FOXP2: variants seen among roughly 807,000 people sequenced by gnomAD.
The protein encoded by FOXP2 is forkhead box P2, also known as forkhead box protein P2.
A neutral mutation model predicts 115.8 loss-of-function variants in FOXP2; 12 were observed. The observed-to-expected ratio is 0.10, with a 90% CI of 0.07 to 0.17. FOXP2 has a LOEUF of 0.17. FOXP2 is among the 10% of genes least tolerant of loss of function. The pLI, the probability that FOXP2 is intolerant of heterozygous loss-of-function variation, is 1.00. For missense variants in FOXP2, 629 were observed against 843.5 expected (o/e 0.75, Z 3.15); for synonymous variants, 328 against 297.7 (o/e 1.10, Z -1.05).
At chr7:114,205,489 T>C (rs1233286285) in intron 1 of FOXP2, among the ~76,000 whole-genome samples, 1 of 152,206 alleles carries the variant, frequency 6.6e-6, no homozygotes, top group Non-Finnish European at 1.5e-5. Context: ...GAAATAGGCA[T>C]ATTATTATTT....
intron 1 of FOXP2, among the ~76,000 whole-genome samples, chr7:114,120,657 A>T (rs928403940): frequency 1.5e-4 from 22 of 150,760 alleles, no homozygotes; most frequent in African/African-American, 5.4e-4. Flanking sequence ...TCTTCTAAGC[A>T]CTTCATATAT....
intron 16 of FOXP2, among the ~76,000 whole-genome samples, chr7:114,687,508 C>T (rs543897617): frequency 3.9e-4 from 60 of 152,228 alleles, no homozygotes; most frequent in South Asian, 8.3e-4. Context: ...ACTGAGAGAA[C>T]TAATAATTTT....
chr7:114,437,513 C>G (rs577790267), intron 2 of FOXP2, among the ~76,000 whole-genome samples: 1 of 152,212 alleles, frequency 6.6e-6, no homozygotes, highest in South Asian at 2.1e-4. Flanking sequence ...TACCAGGCAT[C>G]TTATGTAATA....
At chr7:114,462,364 A>ATTTTTT in intron 2 of FOXP2, among the ~76,000 whole-genome samples, 1 of 123,658 alleles carries the variant, frequency 8.1e-6, no homozygotes, top group Non-Finnish European at 1.7e-5. Flanking sequence ...TCAGCATAAT[A>ATTTTTT]TCTTTTTTTT....
rs181796611 is a variant in FOXP2 at position 114,170,203 on chromosome 7, A to G, written c.-102+7115A>G. Among the ~76,000 whole-genome samples the G allele has an allele frequency of 2.0e-5, 3 of 152,254 alleles. No homozygotes were observed. The East Asian group carries it at 5.8e-4, about 29-fold the overall frequency. On this transcript the variant is annotated intron_variant, in intron 1 of 17. Transcript: ENST00000634411. ...ATCGGTAATCATTGATGTTACTATT[A>G]TAATTGTTTGGGGCCCAGAAACTGG...
intron 7 of FOXP2, among the ~76,000 whole-genome samples, 189 bp downstream of exon 7, chr7:114,642,812 A>ATTTTTTTTT (rs869136743): frequency 1.5e-4 from 11 of 72,418 alleles, no homozygotes; most frequent in African/African-American, 6.4e-4. Context: ...ATATATATAT[A>ATTTTTTTTT]TTTTTTTTTT....
At chr7:114,309,297 A>T (rs758841014) in intron 2 of FOXP2, among the ~76,000 whole-genome samples, 1 of 152,140 alleles carries the variant, frequency 6.6e-6, no homozygotes, top group Non-Finnish European at 1.5e-5. Context: ...GTTTCTTGTT[A>T]TCTATAATGT....
chr7:114,219,129 T>C (rs780241606), intron 1 of FOXP2, among the ~76,000 whole-genome samples: 1 of 152,170 alleles, frequency 6.6e-6, no homozygotes, highest in Non-Finnish European at 1.5e-5. Flanking sequence ...CGAAAAAGAT[T>C]AATTATACTA....
chr7:114,148,370 T>G (rs1020372253), intron 1 of FOXP2, among the ~76,000 whole-genome samples: 2 of 152,200 alleles, frequency 1.3e-5, no homozygotes, highest in African/African-American at 2.4e-5. Context: ...TTCCTTAATT[T>G]CTGTAATACT....
intron 1 of FOXP2, among the ~76,000 whole-genome samples, chr7:114,167,935 CAAAAA>C (rs34195375): frequency 1.2e-5 from 1 of 83,598 alleles, no homozygotes; most frequent in Non-Finnish European, 2.3e-5. Flanking sequence ...GACTCCATCT[CAAAAA>C]AAAAAAAAAA....
rs147419357 is a variant in FOXP2 at position 114,566,461 on chromosome 7, G to A, written c.258+31755G>A. ...CTCTCACTCTACTAGTTCCCACAGA[G>A]CTGGTTGTAAAAAAGAGTCTGGCAC... On this transcript the variant is annotated intron_variant, in intron 3 of 16. Coordinates refer to ENST00000350908, the MANE Select transcript of FOXP2 (RefSeq NM_014491.4). 4.6e-4 allele frequency among the ~76,000 whole-genome samples: 70 copies of A among 152,038 alleles called. 1 individual carries two copies. The East Asian group carries it at 0.013, about 28-fold the overall frequency.
chr7:114,230,624 A>G (rs1455592830), intron 1 of FOXP2, among the ~76,000 whole-genome samples: 2 of 152,114 alleles, frequency 1.3e-5, no homozygotes, highest in African/African-American at 4.8e-5. Flanking sequence ...TAAAAATCAC[A>G]TGATCATTAG....
Position 114,652,285 on chromosome 7 carries a change from A to G in FOXP2, c.1177A>G (p.Ile393Val). Residue 393 changes from isoleucine (I) to valine (V), a missense_variant, in exon 9 of 17, where the codon ATA (isoleucine) becomes GTA (valine). Physicochemically the swap from Ile to Val is conservative, Grantham distance 29. Coordinates refer to ENST00000350908, the MANE Select transcript of FOXP2 (RefSeq NM_014491.4). ...AATGCAGGTGGTGCAACAGTTAGAA[A>G]TACAGGTTTGTTAAATGCTCACTTA... ...VQMQVVQQLE[I>V]QLSKERERLQ... 1 of 1,612,714 alleles carries G rather than the reference A, an allele frequency of 6.2e-7. No individual in the cohort carries two copies.
intron 1 of FOXP2, among the ~76,000 whole-genome samples, chr7:114,266,305 C>T (rs1795892539): frequency 6.6e-6 from 1 of 152,132 alleles, no homozygotes; most frequent in Non-Finnish European, 1.5e-5. Context: ...CCAATGTTCT[C>T]TGTTAGGGCA....
At chr7:114,258,791 G>T (rs536778451) in intron 1 of FOXP2, among the ~76,000 whole-genome samples, 9 of 152,292 alleles carry the variant, frequency 5.9e-5, no homozygotes, top group Non-Finnish European at 1.2e-4. Context: ...TAGACAAGAT[G>T]AAGAATGTCT....
chr7:114,546,880 A>G (rs143704945), intron 3 of FOXP2, among the ~76,000 whole-genome samples: 1 of 152,304 alleles, frequency 6.6e-6, no homozygotes, highest in African/African-American at 2.4e-5. Context: ...TCTTACCACA[A>G]TGCTTGACAC....
chr7:114,437,803 G>T (rs1267382930), intron 2 of FOXP2, among the ~76,000 whole-genome samples: 1 of 152,032 alleles, frequency 6.6e-6, no homozygotes, highest in Non-Finnish European at 1.5e-5. Context: ...GCCTGCTCTG[G>T]TTGAATCTTC....
intron 2 of FOXP2, among the ~76,000 whole-genome samples, chr7:114,499,892 T>C (rs1252466939): frequency 6.6e-6 from 1 of 152,126 alleles, no homozygotes; most frequent in East Asian, 1.9e-4. Context: ...AAAGGATTAA[T>C]ATAGTTTTGG....
In FOXP2 at chr7:114,269,662, A is replaced by G. The variant is rs148905640; in HGVS notation, c.-101-18357A>G. 2.6e-3 allele frequency among the ~76,000 whole-genome samples: 400 copies of G among 152,266 alleles called. 3 individuals carry two copies. The highest frequency in any genetic ancestry group is 9.3e-3 in the African/African-American group (385 of 41,566). The stretch of plus-strand genomic sequence containing the variant: ...TTTAAAAATTTACTTTTATATTATT[A>G]AATTATGATTCTACTATTGTGAGTC... On this transcript the variant is annotated intron_variant, in intron 1 of 17. Transcript: ENST00000634411.
Sources: allele counts gnomAD v4.1 joint callset (sites outside exome capture counted in the v4.1 genomes callset), GRCh38; gene constraint gnomAD v4.1.1; transcripts MANE v1.5; gene names NCBI Gene and HGNC (gene_info 2026-07-23, HGNC 2026-07-21).